The following MCF2L2 variants were observed in gnomAD, a reference collection of about 807,000 sequenced individuals.
MCF2L2 encodes the protein probable guanine nucleotide exchange factor MCF2L2.
Under a neutral mutation model 150.2 loss-of-function variants are expected in MCF2L2, and 102 were observed. The ratio of observed to expected loss-of-function variants is 0.68; its 90% CI spans 0.58 to 0.80. The LOEUF (loss-of-function observed/expected upper bound fraction) is 0.80. Ranked by LOEUF, MCF2L2 falls within the 30% of genes least tolerant of loss-of-function variation. The pLI, the probability that MCF2L2 is intolerant of heterozygous loss-of-function variation, is 0.00. For missense variants in MCF2L2, 1,256 were observed against 1,372.8 expected, an observed-to-expected ratio of 0.91 and a Z score of 1.34; for synonymous variants, 465 against 491.3, an observed-to-expected ratio of 0.95 and a Z score of 0.71.
At position 183,351,440 on chromosome 3, in the gene MCF2L2, G is replaced by T. The variant is rs559961468; in HGVS notation, c.276-9810C>A. ...TGGTCAATTGAAATTTTATTGCATT[G>T]CCATCAGAACTGAGTCAAATGTAGG... On this transcript the variant is annotated intron_variant, in intron 3 of 29. Coordinates refer to ENST00000328913, the MANE Select transcript of MCF2L2 (RefSeq NM_015078.4). Among the ~76,000 whole-genome samples, 16 of 151,724 alleles carry T rather than the reference G, an allele frequency of 1.1e-4. No homozygotes were observed. In the South Asian group the frequency reaches 3.1e-3, roughly 30 times the overall value.
chr3:183,402,776 T>C (rs1366715155), intron 1 of MCF2L2, among the ~76,000 whole-genome samples: 3 of 151,754 alleles, frequency 2.0e-5, no homozygotes. Context: ...AAAATAACAA[T>C]ATGTAAAGAG....
At chr3:183,388,917 C>T (rs1023257320) in intron 2 of MCF2L2, among the ~76,000 whole-genome samples, 2 of 152,046 alleles carry the variant, frequency 1.3e-5, no homozygotes. Context: ...ACTACATATT[C>T]TCTCTGTGAT....
rs1726719806 is a variant in MCF2L2, at chr3:183,270,963, T to C, written c.1862+5909A>G. ...GTACTTGAATGTTGTATGTTTTCAC[T>C]GTCACTGAGTCAAACCTGGATGAAA... is the stretch of plus-strand genomic sequence containing the variant. On this transcript the variant is annotated intron_variant, in intron 15 of 29. Transcript: ENST00000328913. The surrounding 1 kb of genome is among the most constrained non-coding windows in gnomAD (Gnocchi z 4.5). 6.6e-7 allele frequency: 1 copy of C among 1,525,284 alleles called. No homozygotes were observed. The highest frequency in any genetic ancestry group is 8.8e-7 in the Non-Finnish European group (1 of 1,138,064). The allele number at this position is 1,525,284 out of a possible 1,614,324, so 94.5% of individuals were successfully genotyped here.
Position 183,428,094 on chromosome 3 carries a change from G to C in MCF2L2, c.-117C>G. On this transcript the variant is annotated 5_prime_UTR_variant, in exon 1 of 30. Coordinates refer to ENST00000328913, the MANE Select transcript of MCF2L2 (RefSeq NM_015078.4). The surrounding 1 kb of genome is among the most constrained non-coding windows in gnomAD (Gnocchi z 5.1). ...GATGCTCTGCCCTCGCCCTCTTCCT[G>C]GCTCTCCAGGCAAGAAACGAGAGTC... The C allele has an allele frequency of 1.3e-6, 1 of 763,974 alleles. No individual in the cohort carries two copies. Among genetic ancestry groups the C allele is most frequent in the South Asian group, 1.5e-5 (1 of 66,354 alleles). 47.3% of individuals were successfully genotyped at this position (763,974 alleles called of 1,614,324 possible). A position where few individuals can be genotyped will look rare whatever the true frequency, so the allele number is the denominator to read the frequency against.
At chr3:183,348,186 T>G (rs1730974041) in intron 3 of MCF2L2, among the ~76,000 whole-genome samples, 1 of 152,034 alleles carries the variant, frequency 6.6e-6, no homozygotes, top group South Asian at 2.1e-4. Context: ...ATAAAAAAAA[T>G]GTGGTTCATA....
intron 1 of MCF2L2, among the ~76,000 whole-genome samples, chr3:183,423,585 A>G (rs573123235): frequency 6.6e-6 from 1 of 150,380 alleles, no homozygotes; most frequent in Non-Finnish European, 1.5e-5. Context: ...GAAATGCAAA[A>G]CCTCTATGGG....
In MCF2L2 at chr3:183,224,056, T is replaced by C. The variant is rs185143545; in HGVS notation, c.2208+42A>G. On this transcript the variant is annotated intron_variant, in intron 19 of 29. Transcript: ENST00000328913. Reference sequence around the variant, plus strand: ...TTGATTTCTTTAACAACTTGATGCATAGAAACATTTTCCAGGAAGAAGTTT... The same window carrying C: ...TTGATTTCTTTAACAACTTGATGCACAGAAACATTTTCCAGGAAGAAGTTT... 1.6e-3 allele frequency: 2,380 copies of C among 1,463,146 alleles called. 3 individuals are homozygous for C. The highest frequency in any genetic ancestry group is 2.2e-3 in the Non-Finnish European group (2,264 of 1,044,192). The allele number at this position is 1,463,146 out of a possible 1,614,324, so 90.6% of individuals were successfully genotyped here.
intron 7 of MCF2L2, among the ~76,000 whole-genome samples, chr3:183,317,677 C>T (rs1242548624): frequency 6.6e-6 from 1 of 152,146 alleles, no homozygotes; most frequent in East Asian, 1.9e-4. Context: ...AGCCCCTACC[C>T]CTGCAATTTC....
chr3:183,277,469 T>C (rs1259426281), intron 14 of MCF2L2, among the ~76,000 whole-genome samples: 1 of 151,986 alleles, frequency 6.6e-6, no homozygotes, highest in Non-Finnish European at 1.5e-5. Flanking sequence ...CTTTTTTTTT[T>C]TCTTGTAAGA....
At chr3:183,234,687 C>CTTTTT (rs71185647) in intron 15 of MCF2L2, among the ~76,000 whole-genome samples, 1,759 of 83,776 alleles carry the variant, frequency 0.021, 42 homozygotes, top group African/African-American at 0.064. Context: ...ATGTATGACT[C>CTTTTT]TTTTTTTTTT....
chr3:183,369,356 T>C (rs748605948), intron 3 of MCF2L2, among the ~76,000 whole-genome samples: 1 of 152,234 alleles, frequency 6.6e-6, no homozygotes, highest in Non-Finnish European at 1.5e-5. Flanking sequence ...AAGAGGCCAC[T>C]GATCACAGAG....
At chr3:183,239,178 G>A (rs1169997545) in intron 15 of MCF2L2, among the ~76,000 whole-genome samples, 1 of 152,098 alleles carries the variant, frequency 6.6e-6, no homozygotes, top group African/African-American at 2.4e-5. Flanking sequence ...ACTGCACTTA[G>A]GATACCAAAG....
chr3:183,382,127 C>A (rs1391395001), intron 2 of MCF2L2, among the ~76,000 whole-genome samples: 2 of 151,942 alleles, frequency 1.3e-5, no homozygotes, highest in Non-Finnish European at 2.9e-5. Flanking sequence ...GGTGTGATCT[C>A]CGCTCACTGC....
At chr3:183,391,293 G>A (rs1021961160) in intron 1 of MCF2L2, among the ~76,000 whole-genome samples, 1 of 151,144 alleles carries the variant, frequency 6.6e-6, no homozygotes, top group Non-Finnish European at 1.5e-5. Context: ...GTCTTGTAAG[G>A]GGTGGGCCAA....
intron 3 of MCF2L2, among the ~76,000 whole-genome samples, chr3:183,351,543 A>G (rs951353137): frequency 1.3e-5 from 2 of 152,080 alleles, no homozygotes; most frequent in African/African-American, 4.8e-5. Flanking sequence ...CAACAGTCTC[A>G]GGAAAATCAG....
chr3:183,252,407 A>C (rs924300512), intron 15 of MCF2L2, among the ~76,000 whole-genome samples: 4 of 152,244 alleles, frequency 2.6e-5, no homozygotes, highest in Non-Finnish European at 5.9e-5. Flanking sequence ...CTGTGTAGGC[A>C]GCATATGAAA....
intron 3 of MCF2L2, among the ~76,000 whole-genome samples, chr3:183,351,190 GTATATATATATATATATATATA>G (rs60311053): frequency 0.072 from 2,798 of 38,856 alleles, 142 homozygotes; most frequent in Middle Eastern, 0.12. Flanking sequence ...ATTTTCTTAA[GTATATATATATATATATATATA>G]TATATATATA....
intron 1 of MCF2L2, among the ~76,000 whole-genome samples, chr3:183,402,882 A>C (rs75911787): frequency 0.36 from 53,867 of 151,248 alleles, 9,730 homozygotes; most frequent in Middle Eastern, 0.41. Context: ...ATATATATAT[A>C]CGAAATTTAA....
intron 1 of MCF2L2, among the ~76,000 whole-genome samples, chr3:183,410,124 C>T (rs1222907375): frequency 6.6e-6 from 1 of 152,132 alleles, no homozygotes; most frequent in East Asian, 1.9e-4. Context: ...AGTGGCTATT[C>T]CCCTTATCCC....
Sources: allele counts gnomAD v4.1 joint callset (sites outside exome capture counted in the v4.1 genomes callset), GRCh38; gene constraint gnomAD v4.1.1; non-coding constraint Gnocchi (gnomAD v3.1); transcripts MANE v1.5; gene names NCBI Gene and HGNC (gene_info 2026-07-23, HGNC 2026-07-21).